The following PHACTR1 variants were observed in gnomAD, a reference collection of about 807,000 sequenced individuals.
PHACTR1 encodes RPEL repeat containing 1.
Under a neutral mutation model 69.2 loss-of-function variants are expected in PHACTR1, and 16 were observed. The observed-to-expected ratio is 0.23, with a 90% CI of 0.16 to 0.35. The LOEUF (loss-of-function observed/expected upper bound fraction) is 0.35. PHACTR1 is among the 10% of genes least tolerant of loss of function. PHACTR1 has a pLI of 1.00. For synonymous variants in PHACTR1, 312 were observed against 284.5 expected (o/e 1.10, Z -0.97); for missense variants, 510 against 734.7 (o/e 0.69, Z 3.54).
At chr6:13,000,724 T>C (rs1048316437) in intron 4 of PHACTR1, among the ~76,000 whole-genome samples, 12 of 151,542 alleles carry the variant, frequency 7.9e-5, no homozygotes, top group Non-Finnish European at 1.2e-4. Context: ...GATGCAGCTA[T>C]AGAGGAAGAT....
At chr6:12,766,684 G>A (rs567990654) in intron 4 of PHACTR1, among the ~76,000 whole-genome samples, 10 of 152,148 alleles carry the variant, frequency 6.6e-5, no homozygotes, top group East Asian at 1.9e-4. Flanking sequence ...TCACAGAGTC[G>A]AGTATGATAT....
At chr6:12,906,149 T>C (rs1785705617) in intron 4 of PHACTR1, among the ~76,000 whole-genome samples, 1 of 151,640 alleles carries the variant, frequency 6.6e-6, no homozygotes, top group East Asian at 1.9e-4. Flanking sequence ...GTAGTTGGCC[T>C]ATTGACAGCT....
chr6:12,962,217 T>A lies in PHACTR1; in HGVS notation c.251-91148T>A, dbSNP rs1792840166. On this transcript the variant is annotated intron_variant, in intron 4 of 14. Transcript: ENST00000332995. ...CCCAAAATGCTGGGTTGAGCCACTG[T>A]GCCTGGCCCTAATCTCTTCTATAAA... Among the ~76,000 whole-genome samples the A allele has an allele frequency of 2.6e-5, 4 of 152,172 alleles. No homozygotes were observed. In the South Asian group the frequency reaches 8.3e-4, roughly 32 times the overall value.
intron 4 of PHACTR1, among the ~76,000 whole-genome samples, chr6:12,952,341 T>G (rs1791401974): frequency 6.6e-6 from 1 of 152,232 alleles, no homozygotes; most frequent in African/African-American, 2.4e-5. Context: ...TAGTATCATC[T>G]GAGCAGAGTA....
In PHACTR1 at chr6:13,044,911, G is replaced by C. The variant is rs1804784548; in HGVS notation, c.251-8454G>C. ...GTGATCTAGGGCGGGTATTCGCCAGGGCACCTACAGACAGGTGTACATCTA... is the reference window on the plus strand; with the variant it reads ...GTGATCTAGGGCGGGTATTCGCCAGCGCACCTACAGACAGGTGTACATCTA... On this transcript the variant is annotated intron_variant, in intron 4 of 14. Transcript: ENST00000332995. Among the ~76,000 whole-genome samples, 3 of 151,484 alleles carry C rather than the reference G, an allele frequency of 2.0e-5. No individual in the cohort carries two copies. The South Asian group carries it at 6.4e-4, about 32-fold the overall frequency.
chr6:12,897,558 G>T (rs942736778), intron 4 of PHACTR1, among the ~76,000 whole-genome samples: 1 of 151,960 alleles, frequency 6.6e-6, no homozygotes, highest in Non-Finnish European at 1.5e-5. Context: ...CACAGACTTC[G>T]CCTAATTTAT....
intron 7 of PHACTR1, among the ~76,000 whole-genome samples, chr6:13,183,380 T>C (rs936604784): frequency 8.1e-5 from 12 of 148,650 alleles, no homozygotes; most frequent in African/African-American, 3.0e-4. Flanking sequence ...ATATCCAGAG[T>C]ATAGATAGAA....
chr6:12,973,679 C>T (rs781700089), intron 4 of PHACTR1, among the ~76,000 whole-genome samples: 2 of 152,140 alleles, frequency 1.3e-5, no homozygotes, highest in African/African-American at 2.4e-5. Context: ...TGCTCACTTA[C>T]TGCCAGAGCT....
rs966878578 is a variant in PHACTR1, at chr6:13,275,249, A to C, written c.1447+2334A>C. On this transcript the variant is annotated intron_variant, in intron 11 of 14. Coordinates refer to ENST00000332995, the MANE Select transcript of PHACTR1 (RefSeq NM_030948.6). This position sits in a 1 kb window ranked among gnomAD's most constrained non-coding sequence, Gnocchi z 4.0. ...CCCCTGTTCTGTCCAGCAGCCAGTGAGGCCCTGTGCACCTCTGAGCACATA... is the reference window on the plus strand; with the variant it reads ...CCCCTGTTCTGTCCAGCAGCCAGTGCGGCCCTGTGCACCTCTGAGCACATA... 3.3e-5 allele frequency: 5 copies of C among 152,334 alleles called. No homozygotes were observed. The highest frequency in any genetic ancestry group is 1.2e-4 in the African/African-American group (5 of 41,408). 9.4% of individuals were successfully genotyped at this position (152,334 alleles called of 1,614,324 possible).
chr6:13,041,656 G>C (rs1417376680), intron 4 of PHACTR1, among the ~76,000 whole-genome samples: 1 of 152,192 alleles, frequency 6.6e-6, no homozygotes, highest in Admixed American at 6.5e-5. Flanking sequence ...ATAGGTAACA[G>C]AGTGGCTGTT....
At chr6:13,029,909 A>G (rs948727223) in intron 4 of PHACTR1, among the ~76,000 whole-genome samples, 1 of 152,240 alleles carries the variant, frequency 6.6e-6, no homozygotes, top group African/African-American at 2.4e-5. Flanking sequence ...CAAGTGTGAC[A>G]GACAGAACAG....
In PHACTR1 at chr6:12,963,493, A is replaced by G. The variant is rs79817601; in HGVS notation, c.251-89872A>G. 4.2e-4 allele frequency among the ~76,000 whole-genome samples: 64 copies of G among 152,260 alleles called. No individual in the cohort carries two copies. The East Asian group carries it at 0.01, about 24-fold the overall frequency. ...AAACCAACTGACGATGGTGAAAAAA[A>G]TATATTAGGAGGAACAAAGGAGCAC... On this transcript the variant is annotated intron_variant, in intron 4 of 14. Transcript: ENST00000332995.
At chr6:13,266,587 A>G (rs1776746135) in intron 10 of PHACTR1, 2 of 152,830 alleles carry the variant, frequency 1.3e-5, no homozygotes, top group Non-Finnish European at 2.9e-5. Flanking sequence ...CAGGCTGCAC[A>G]GGAAGCATGA....
intron 4 of PHACTR1, among the ~76,000 whole-genome samples, chr6:12,892,773 A>C (rs940047760): frequency 2.6e-5 from 4 of 152,376 alleles, no homozygotes; most frequent in Admixed American, 2.6e-4. Context: ...CTCCAGGAAC[A>C]CACAATGTGG....
chr6:13,259,107 C>T (rs960436327), intron 10 of PHACTR1, among the ~76,000 whole-genome samples: 1 of 152,174 alleles, frequency 6.6e-6, no homozygotes, highest in Non-Finnish European at 1.5e-5. Flanking sequence ...TGTTTTGGCA[C>T]TCATTTTGAT....
chr6:12,988,732 A>G (rs945963060), intron 4 of PHACTR1, among the ~76,000 whole-genome samples: 8 of 152,220 alleles, frequency 5.3e-5, no homozygotes, highest in Non-Finnish European at 8.8e-5. Flanking sequence ...CAAGACAGTC[A>G]TGTTCGAATT....
At chr6:12,928,058 A>G (rs1163418857) in intron 4 of PHACTR1, among the ~76,000 whole-genome samples, 1 of 141,944 alleles carries the variant, frequency 7.0e-6, no homozygotes, top group Non-Finnish European at 1.5e-5. Flanking sequence ...TGAATAAGCC[A>G]TGGAGCCCCT....
intron 4 of PHACTR1, among the ~76,000 whole-genome samples, chr6:12,911,273 C>T (rs1015849450): frequency 7.2e-5 from 11 of 151,978 alleles, no homozygotes; most frequent in Admixed American, 1.3e-4. Context: ...TTCTGTGTTT[C>T]TTCTAGTTTC....
intron 4 of PHACTR1, among the ~76,000 whole-genome samples, chr6:12,910,855 A>G (rs1240319069): frequency 6.6e-6 from 1 of 152,208 alleles, no homozygotes; most frequent in African/African-American, 2.4e-5. Context: ...CAGTTCAGCA[A>G]GTGAGTCTCT....
Sources: allele counts gnomAD v4.1 joint callset (sites outside exome capture counted in the v4.1 genomes callset), GRCh38; gene constraint gnomAD v4.1.1; non-coding constraint Gnocchi (gnomAD v3.1); transcripts MANE v1.5; gene names NCBI Gene and HGNC (gene_info 2026-07-23, HGNC 2026-07-21).